The following CAMTA1 variants were observed in gnomAD, a reference collection of about 807,000 sequenced individuals.
CAMTA1 encodes calmodulin binding transcription activator 1, also known as calmodulin-binding transcription activator 1.
Under a neutral mutation model 170.9 loss-of-function variants are expected in CAMTA1, and 27 were observed. That is an observed-to-expected ratio of 0.16 (90% CI 0.12 to 0.22). The LOEUF (loss-of-function observed/expected upper bound fraction) is 0.22, where lower values mean the gene tolerates loss of function less well. Among genes scored for constraint, CAMTA1 ranks in the 10% least tolerant of loss-of-function variants. The pLI is 1.00. For synonymous variants in CAMTA1, 833 were observed against 891.5 expected, an observed-to-expected ratio of 0.93 and a Z score of 1.17; for missense variants, 1,619 against 2,217.2, an observed-to-expected ratio of 0.73 and a Z score of 5.42.
chr1:6,958,274 AC>A (rs1297634896), intron 3 of CAMTA1, among the ~76,000 whole-genome samples: 1 of 152,234 alleles, frequency 6.6e-6, no homozygotes, highest in Admixed American at 6.5e-5. Flanking sequence ...AAATAAACGA[AC>A]AACACACAAA....
intron 11 of CAMTA1, among the ~76,000 whole-genome samples, chr1:7,688,048 G>A (rs1297642065): frequency 2.4e-5 from 3 of 127,336 alleles, no homozygotes; most frequent in African/African-American, 9.3e-5. Context: ...TTGCTCTGTC[G>A]TTCAGGCTAG....
At chr1:7,464,674 C>A (rs2093169224) in intron 5 of CAMTA1, among the ~76,000 whole-genome samples, 1 of 152,120 alleles carries the variant, frequency 6.6e-6, no homozygotes, top group African/African-American at 2.4e-5. Flanking sequence ...GCAAACCCTG[C>A]TCATCCTTAA....
At chr1:7,116,055 A>G (rs1039199690) in intron 4 of CAMTA1, among the ~76,000 whole-genome samples, 1 of 152,154 alleles carries the variant, frequency 6.6e-6, no homozygotes, top group African/African-American at 2.4e-5. Flanking sequence ...TACCCCTCAC[A>G]TAAGATGACC....
chr1:7,089,291 G>C (rs1432292047), intron 3 of CAMTA1, among the ~76,000 whole-genome samples: 1 of 152,168 alleles, frequency 6.6e-6, no homozygotes, highest in Non-Finnish European at 1.5e-5. Context: ...CTAATAAGAG[G>C]CCGTGCTGGT....
At chr1:7,032,947 G>A (rs910228475) in intron 3 of CAMTA1, among the ~76,000 whole-genome samples, 1 of 151,882 alleles carries the variant, frequency 6.6e-6, no homozygotes, top group Non-Finnish European at 1.5e-5. Context: ...GTTTTTCTCT[G>A]TACAATGCAT....
rs1663373207 is a variant in CAMTA1, at chr1:7,234,155, A to G, written c.303-15336A>G. The stretch of plus-strand genomic sequence containing the variant: ...TCAGGAGCCCAGATTACTTGGGGTG[A>G]GCCGCTCTCTCGCCCCGTCTCCTGC... On this transcript the variant is annotated intron_variant, in intron 4 of 22. Coordinates refer to ENST00000303635, the MANE Select transcript of CAMTA1 (RefSeq NM_015215.4). This position sits in a 1 kb window ranked among gnomAD's most constrained non-coding sequence, Gnocchi z 5.0. 6.6e-6 allele frequency among the ~76,000 whole-genome samples: 1 copy of G among 152,006 alleles called. No homozygotes were observed. The highest frequency in any genetic ancestry group is 2.4e-5 in the African/African-American group (1 of 41,378).
intron 9 of CAMTA1, among the ~76,000 whole-genome samples, chr1:7,668,084 G>C (rs958082680): frequency 6.6e-6 from 1 of 152,056 alleles, no homozygotes; most frequent in Non-Finnish European, 1.5e-5. Flanking sequence ...TCCCCTCCCT[G>C]CCAGCCTGTC....
At chr1:7,269,471 G>A (rs954833317) in intron 5 of CAMTA1, among the ~76,000 whole-genome samples, 1 of 152,188 alleles carries the variant, frequency 6.6e-6, no homozygotes, top group African/African-American at 2.4e-5. Context: ...TGTATCCCAT[G>A]AGTTGGAAGC....
At position 7,588,098 on chromosome 1, in the gene CAMTA1, G is replaced by C. The variant is rs1576257465; in HGVS notation, c.511-52302G>C. Among the ~76,000 whole-genome samples, 3 of 152,120 alleles carry C rather than the reference G, an allele frequency of 2.0e-5. 1 individual carries two copies. The highest frequency in any genetic ancestry group is 7.3e-5 in the African/African-American group (3 of 41,374). ...TGGCCTGGCAGTGGCCCAGGGTGCT[G>C]TTCTGGGTCACTGGGGCTATGGGAC... On this transcript the variant is annotated intron_variant, in intron 6 of 22. Coordinates refer to ENST00000303635, the MANE Select transcript of CAMTA1 (RefSeq NM_015215.4). The surrounding 1 kb of genome is among the most constrained non-coding windows in gnomAD (Gnocchi z 5.8).
At chr1:6,821,757 C>A (rs183740475) in intron 2 of CAMTA1, among the ~76,000 whole-genome samples, 1 of 152,080 alleles carries the variant, frequency 6.6e-6, no homozygotes, top group Non-Finnish European at 1.5e-5. Context: ...AGGAAAAGGT[C>A]AAATACATTT....
At chr1:7,203,723 C>G (rs1447443941) in intron 4 of CAMTA1, among the ~76,000 whole-genome samples, 6 of 150,292 alleles carry the variant, frequency 4.0e-5, no homozygotes, top group African/African-American at 1.2e-4. Context: ...ATTTTTGCCT[C>G]TAGTTATTTG....
intron 4 of CAMTA1, among the ~76,000 whole-genome samples, chr1:7,138,498 A>G (rs1645674881): frequency 6.6e-6 from 1 of 152,224 alleles, no homozygotes; most frequent in Non-Finnish European, 1.5e-5. Context: ...TGAAAAATTC[A>G]AACTCTACAG....
Position 7,067,023 on chromosome 1 carries a change from C to T in CAMTA1, c.235-24281C>T, listed in dbSNP as rs1709047526. Among the ~76,000 whole-genome samples, 1 of 152,206 alleles carries T rather than the reference C, an allele frequency of 6.6e-6. No individual in the cohort carries two copies. Among genetic ancestry groups the T allele is most frequent in the Non-Finnish European group, 1.5e-5 (1 of 68,044 alleles). ...AAGCAGTTGACTCCTGCTGGATGGG[C>T]ACATAAACTGGGTGTCATGTTATTA... On this transcript the variant is annotated intron_variant, in intron 3 of 22. Transcript: ENST00000303635. The surrounding 1 kb of genome is among the most constrained non-coding windows in gnomAD (Gnocchi z 4.3).
chr1:7,454,751 T>G (rs1446080936), intron 5 of CAMTA1, among the ~76,000 whole-genome samples: 1 of 152,164 alleles, frequency 6.6e-6, no homozygotes, highest in South Asian at 2.1e-4. Context: ...TCAGTCAGCC[T>G]GGGTCTGAGG....
rs561531504 is a variant in CAMTA1 at position 7,510,162 on chromosome 1, C to T, written c.510+42261C>T. 1.2e-4 allele frequency among the ~76,000 whole-genome samples: 17 copies of T among 136,282 alleles called. 3 individuals are homozygous for T. Among genetic ancestry groups the T allele is most frequent in the African/African-American group, 4.4e-4 (17 of 38,676 alleles). The allele number at this position is 136,282 out of a possible 152,430, so 89.4% of individuals were successfully genotyped here. A position where few individuals can be genotyped will look rare whatever the true frequency, so the allele number is the denominator to read the frequency against. ...CGACGGCACTCGAGATAACACTCCC[C>T]GTTTTCATTAAAGGGCAAGCTACCA... On this transcript the variant is annotated intron_variant, in intron 6 of 22. Transcript: ENST00000303635.
chr1:7,613,785 T>G (rs1236818568), intron 6 of CAMTA1, among the ~76,000 whole-genome samples: 157 of 42,646 alleles, frequency 3.7e-3, no homozygotes, highest in African/African-American at 4.7e-3. Context: ...GAGGGGTGGG[T>G]GGGAGCAGAG....
chr1:7,009,878 G>A (rs1258192046), intron 3 of CAMTA1, among the ~76,000 whole-genome samples: 3 of 152,186 alleles, frequency 2.0e-5, no homozygotes, highest in African/African-American at 7.2e-5. Context: ...CTTTCCCTGC[G>A]GTCCTCGTGC....
intron 7 of CAMTA1, among the ~76,000 whole-genome samples, chr1:7,649,944 T>G (rs1274854807): frequency 6.6e-6 from 1 of 152,210 alleles, no homozygotes; most frequent in Non-Finnish European, 1.5e-5. Context: ...CAGCCTCTCT[T>G]TAAAAATGGA....
At chr1:6,831,466 G>C (rs144634608) in intron 3 of CAMTA1, among the ~76,000 whole-genome samples, 1 of 152,158 alleles carries the variant, frequency 6.6e-6, no homozygotes, top group African/African-American at 2.4e-5. Flanking sequence ...CTCCATATAT[G>C]TTGTCCAGAC....
Sources: allele counts gnomAD v4.1 joint callset (sites outside exome capture counted in the v4.1 genomes callset), GRCh38; gene constraint gnomAD v4.1.1; non-coding constraint Gnocchi (gnomAD v3.1); transcripts MANE v1.5; gene names NCBI Gene and HGNC (gene_info 2026-07-23, HGNC 2026-07-21).